The following KLHL32 variants were observed in gnomAD, a reference collection of about 807,000 sequenced individuals.
KLHL32 encodes kelch like family member 32.
KLHL32 carries 35 observed loss-of-function variants against 64.8 expected under a neutral mutation model. That is an observed-to-expected ratio of 0.54 (90% CI 0.41 to 0.72). The LOEUF (loss-of-function observed/expected upper bound fraction) is 0.72. KLHL32 is among the 30% of genes least tolerant of loss of function. The pLI, the probability that KLHL32 is intolerant of heterozygous loss-of-function variation, is 0.00. For synonymous variants in KLHL32, 259 were observed against 281.0 expected, an observed-to-expected ratio of 0.92 and a Z score of 0.78; for missense variants, 589 against 768.5, an observed-to-expected ratio of 0.77 and a Z score of 2.76.
Position 96,950,127 on chromosome 6 carries a change from A to G in KLHL32, c.-65-16869A>G, listed in dbSNP as rs1772393316. 2.6e-5 allele frequency among the ~76,000 whole-genome samples: 4 copies of G among 152,148 alleles called. No homozygotes were observed. The South Asian group carries it at 8.3e-4, about 31-fold the overall frequency. ...ATTTCTTTTGAGTTTTGATATCTCAAAGTTGTTAAAATTATGTGCATATTC... is the reference window on the plus strand; with the variant it reads ...ATTTCTTTTGAGTTTTGATATCTCAGAGTTGTTAAAATTATGTGCATATTC... On this transcript the variant is annotated intron_variant, in intron 1 of 10. Coordinates refer to ENST00000369261, the MANE Select transcript of KLHL32 (RefSeq NM_052904.4).
chr6:96,943,959 A>G (rs1247228042), intron 1 of KLHL32, among the ~76,000 whole-genome samples: 1 of 152,198 alleles, frequency 6.6e-6, no homozygotes, highest in Non-Finnish European at 1.5e-5. Context: ...ATTTTGTACA[A>G]AACTCTCAGG....
At chr6:96,923,184 T>C (rs1206967164), upstream of KLHL32, among the ~76,000 whole-genome samples, 2 of 152,238 alleles carry the variant, frequency 1.3e-5, no homozygotes, top group African/African-American at 4.8e-5. Flanking sequence ...CTGCTATTTA[T>C]TCTAAACAGA....
intron 10 of KLHL32, among the ~76,000 whole-genome samples, chr6:97,135,072 G>T (rs990597878): frequency 3.9e-5 from 6 of 151,948 alleles, no homozygotes; most frequent in African/African-American, 1.5e-4. Context: ...TATCAAAGGG[G>T]ATTCAATTAT....
intron 1 of KLHL32, among the ~76,000 whole-genome samples, chr6:96,934,294 G>T (rs1770301214): frequency 6.6e-6 from 1 of 152,190 alleles, no homozygotes; most frequent in South Asian, 2.1e-4. Flanking sequence ...TGTGTATTAA[G>T]AAACTCCCAT....
At chr6:97,043,055 G>T (rs549416449) in intron 4 of KLHL32, among the ~76,000 whole-genome samples, 1 of 152,288 alleles carries the variant, frequency 6.6e-6, no homozygotes, top group African/African-American at 2.4e-5. Context: ...TGCCAGCTCC[G>T]CTTCTCCTCT....
At chr6:96,972,532 A>T (rs984188011) in intron 2 of KLHL32, among the ~76,000 whole-genome samples, 1 of 152,214 alleles carries the variant, frequency 6.6e-6, no homozygotes, top group Non-Finnish European at 1.5e-5. Flanking sequence ...AAGCCAGGAC[A>T]CTGTCTGCAC....
chr6:97,083,800 C>A (rs1884165), intron 5 of KLHL32, among the ~76,000 whole-genome samples: 134,827 of 152,236 alleles, frequency 0.89, 59,781 homozygotes, highest in East Asian at 1. Context: ...TCCCATCCAC[C>A]GTACTATTGT....
At chr6:96,995,539 C>T (rs890983911) in intron 3 of KLHL32, among the ~76,000 whole-genome samples, 2 of 152,186 alleles carry the variant, frequency 1.3e-5, no homozygotes, top group Non-Finnish European at 2.9e-5. Context: ...AGTGGCTTCA[C>T]ACTGTCTCAT....
At chr6:97,117,964 A>C (rs771590991) in intron 7 of KLHL32, among the ~76,000 whole-genome samples, 3 of 152,180 alleles carry the variant, frequency 2.0e-5, no homozygotes, top group Non-Finnish European at 2.9e-5. Context: ...TGCTTTCTTG[A>C]TTCTCTTGGT....
chr6:97,101,332 C>T (rs556650176), intron 6 of KLHL32, among the ~76,000 whole-genome samples: 30 of 152,218 alleles, frequency 2.0e-4, no homozygotes, highest in Non-Finnish European at 4.4e-5. Context: ...GGATTACCTC[C>T]AACAATTCCA....
Position 97,139,435 on chromosome 6 carries a change from G to A in KLHL32, c.*153G>A, listed in dbSNP as rs1016556023. ...AAAAATGAACAATTTTCTAAAATACGTTATTGAAAACTCGTCACCCTTCTC... is the reference window on the plus strand; with the variant it reads ...AAAAATGAACAATTTTCTAAAATACATTATTGAAAACTCGTCACCCTTCTC... On this transcript the variant is annotated 3_prime_UTR_variant, in exon 11 of 11. Coordinates refer to ENST00000369261, the MANE Select transcript of KLHL32 (RefSeq NM_052904.4). 1.8e-5 allele frequency: 12 copies of A among 658,600 alleles called. No individual in the cohort carries two copies. The highest frequency in any genetic ancestry group is 2.8e-5 in the Non-Finnish European group (11 of 396,746). 40.8% of individuals were successfully genotyped at this position (658,600 alleles called of 1,614,324 possible). A position where few individuals can be genotyped will look rare whatever the true frequency, so the allele number is the denominator to read the frequency against.
At chr6:97,057,445 G>C (rs1444379457) in intron 4 of KLHL32, among the ~76,000 whole-genome samples, 1 of 89,184 alleles carries the variant, frequency 1.1e-5, no homozygotes, top group East Asian at 3.2e-4. Flanking sequence ...GCCTCCCAAA[G>C]TGCTGGGATT....
intron 6 of KLHL32, among the ~76,000 whole-genome samples, chr6:97,110,673 G>A (rs1182879914): frequency 6.6e-6 from 1 of 152,206 alleles, no homozygotes; most frequent in Non-Finnish European, 1.5e-5. Flanking sequence ...TATCTGAACA[G>A]GGAAGCCCAG....
intron 6 of KLHL32, among the ~76,000 whole-genome samples, chr6:97,100,793 A>G (rs1275528769): frequency 1.5e-5 from 2 of 132,188 alleles, no homozygotes. Flanking sequence ...CTCTTGGCTC[A>G]TTATTCTTTT....
intron 3 of KLHL32, among the ~76,000 whole-genome samples, chr6:97,009,683 A>T (rs1012053933): frequency 6.6e-6 from 1 of 152,178 alleles, no homozygotes; most frequent in Non-Finnish European, 1.5e-5. Flanking sequence ...TATTTGATGG[A>T]AGTGAAATGT....
intron 1 of KLHL32, among the ~76,000 whole-genome samples, chr6:96,940,487 A>G (rs548716335): frequency 6.6e-6 from 1 of 152,338 alleles, no homozygotes; most frequent in Admixed American, 6.5e-5. Context: ...TCCAAAATGT[A>G]GAGGAGTGAA....
rs1309575322 is a variant in KLHL32, at chr6:97,139,981, G to A, written c.*699G>A. The A allele has an allele frequency of 2.0e-5, 3 of 152,072 alleles. No individual in the cohort carries two copies. The highest frequency in any genetic ancestry group is 4.8e-5 in the African/African-American group (2 of 41,422). The allele number at this position is 152,072 out of a possible 1,614,324, so 9.4% of individuals were successfully genotyped here. On this transcript the variant is annotated 3_prime_UTR_variant, in exon 11 of 11. Coordinates refer to ENST00000369261, the MANE Select transcript of KLHL32 (RefSeq NM_052904.4). The stretch of plus-strand genomic sequence containing the variant: ...TAAAAGAACATTATGAGGATTAGGC[G>A]AACACTTTGTAATACTTTGCCCAAG...
chr6:97,118,655 G>C lies in KLHL32; in HGVS notation c.1354+4146G>C, dbSNP rs1464105901. Among the ~76,000 whole-genome samples the C allele has an allele frequency of 6.4e-5, 7 of 108,652 alleles. No homozygotes were observed. The South Asian group carries it at 9.7e-4, about 15-fold the overall frequency. The allele number at this position is 108,652 out of a possible 152,430, so 71.3% of individuals were successfully genotyped here. ...AAAAAGAATTGTAGACAAAATATTG[G>C]GAACTAACAGCAGGCATAGCAGAGG... On this transcript the variant is annotated intron_variant, in intron 7 of 10. Coordinates refer to ENST00000369261, the MANE Select transcript of KLHL32 (RefSeq NM_052904.4).
intron 1 of KLHL32, among the ~76,000 whole-genome samples, chr6:96,934,014 T>C (rs530970786): frequency 6.6e-6 from 1 of 152,318 alleles, no homozygotes; most frequent in African/African-American, 2.4e-5. Flanking sequence ...ACACAGATAA[T>C]CTCACTTTTC....
Sources: allele counts gnomAD v4.1 joint callset (sites outside exome capture counted in the v4.1 genomes callset), GRCh38; gene constraint gnomAD v4.1.1; transcripts MANE v1.5; gene names NCBI Gene and HGNC (gene_info 2026-07-23, HGNC 2026-07-21).